Variants in SLC25A14 observed in about 807,000 individuals in gnomAD.
The protein encoded by SLC25A14 is solute carrier family 25 member 14.
SLC25A14 carries 8 observed loss-of-function variants against 28.1 expected under a neutral mutation model. The ratio of observed to expected loss-of-function variants is 0.28; its 90% CI spans 0.17 to 0.51. The LOEUF (loss-of-function observed/expected upper bound fraction) is 0.51, where lower values mean the gene tolerates loss of function less well. SLC25A14 is among the 20% of genes least tolerant of loss of function. SLC25A14 has a pLI of 0.97. For synonymous variants in SLC25A14, 74 were observed against 90.6 expected (o/e 0.82, Z 1.04); for missense variants, 135 against 263.8 (o/e 0.51, Z 3.38).
chrX:130,351,943 C>G (rs2033631672), intron 6 of SLC25A14, among the ~76,000 whole-genome samples: 1 of 110,862 alleles, frequency 9.0e-6, no homozygotes, highest in Admixed American at 9.6e-5. Context: ...ATTTTAGATT[C>G]AGGGAGTACA....
chrX:130,362,285 ATTTTT>A (rs1304180884), intron 7 of SLC25A14, among the ~76,000 whole-genome samples: 1 of 108,853 alleles, frequency 9.2e-6, no homozygotes, highest in Non-Finnish European at 1.9e-5. Context: ...TATTATTATT[ATTTTT>A]TTAAGTGAAA....
At chrX:130,353,036 A>T (rs5932748) in intron 6 of SLC25A14, among the ~76,000 whole-genome samples, 51,704 of 110,765 alleles carry the variant, frequency 0.47, 8,912 homozygotes, top group African/African-American at 0.57. Flanking sequence ...AGGATTCTTA[A>T]AATTTGAGGT....
At chrX:130,362,798 A>T (rs1307457195) in intron 7 of SLC25A14, among the ~76,000 whole-genome samples, 1 of 112,311 alleles carries the variant, frequency 8.9e-6, no homozygotes, top group African/African-American at 3.2e-5. Context: ...GCATCGTGCT[A>T]GTGAGTGAAA....
At chrX:130,342,923 A>G (rs1308118812) in intron 2 of SLC25A14, among the ~76,000 whole-genome samples, 1 of 109,825 alleles carries the variant, frequency 9.1e-6, no homozygotes, top group Non-Finnish European at 1.9e-5. Context: ...TTCGCCCCAG[A>G]ATTGTGGGAA....
At chrX:130,353,709 A>G (rs1487636882) in intron 6 of SLC25A14, among the ~76,000 whole-genome samples, 1 of 111,881 alleles carries the variant, frequency 8.9e-6, no homozygotes, top group Non-Finnish European at 1.9e-5. Context: ...TCAAAACACC[A>G]TGCTATCTCT....
At chrX:130,368,398 A>C (rs757495177) in intron 9 of SLC25A14, among the ~76,000 whole-genome samples, 26 of 111,736 alleles carry the variant, frequency 2.3e-4, no homozygotes, top group Middle Eastern at 4.6e-3. Context: ...AGGCCCCCCC[A>C]CACACACACA....
intron 6 of SLC25A14, among the ~76,000 whole-genome samples, chrX:130,353,801 A>G (rs191060243): frequency 8.9e-6 from 1 of 112,094 alleles, no homozygotes; most frequent in East Asian, 2.8e-4. Flanking sequence ...CACTCCTGCT[A>G]CTTGATTGAA....
At chrX:130,364,786 A>G in intron 8 of SLC25A14, 34 bp downstream of exon 8, 1 of 1,189,741 alleles carries the variant, frequency 8.4e-7, no homozygotes, top group East Asian at 3.1e-5. Context: ...TTTTATTTCC[A>G]GCATTTTGAG....
At chrX:130,372,232 T>A (rs1351027892) in intron 10 of SLC25A14, among the ~76,000 whole-genome samples, 1 of 111,518 alleles carries the variant, frequency 9.0e-6, no homozygotes, top group Non-Finnish European at 1.9e-5. Flanking sequence ...GGTATCTCGT[T>A]CCCTCTTGGA....
At position 130,340,183 on chromosome X, in the gene SLC25A14, C is replaced by A; in HGVS notation, c.-96C>A. The A allele has an allele frequency of 8.5e-7, 1 of 1,179,675 alleles. No homozygotes were observed. The highest frequency in any genetic ancestry group is 1.1e-6 in the Non-Finnish European group (1 of 882,351). The stretch of plus-strand genomic sequence containing the variant: ...TCGATTGAACCCTGCTTCCTCGACC[C>A]CCCTGGGAGGCCGCCTTCTTCAGGC... On this transcript the variant is annotated 5_prime_UTR_variant, in exon 2 of 11. Coordinates refer to ENST00000545805, the MANE Select transcript of SLC25A14 (RefSeq NM_001282195.2).
intron 7 of SLC25A14, among the ~76,000 whole-genome samples, chrX:130,364,031 CCTT>C (rs2034049889): frequency 8.9e-6 from 1 of 112,083 alleles, no homozygotes; most frequent in Admixed American, 9.5e-5. Context: ...CTGTGCCTGG[CCTT>C]CTTTTACTTA....
Position 130,358,780 on chromosome X carries a change from C to A in SLC25A14, c.594+45C>A, listed in dbSNP as rs993888730. The A allele has an allele frequency of 1.8e-5, 17 of 934,146 alleles. 1 individual carries two copies. Among genetic ancestry groups the A allele is most frequent in the African/African-American group, 1.6e-4 (8 of 50,898 alleles). The allele number at this position is 934,146 out of a possible 1,213,427, so 77.0% of individuals were successfully genotyped here. ...TATTATCCTACACTCTCAGTTCCTACAATTTGCAGAGAATTTTTTTTTATA... is the reference window on the plus strand; with the variant it reads ...TATTATCCTACACTCTCAGTTCCTAAAATTTGCAGAGAATTTTTTTTTATA... On this transcript the variant is annotated intron_variant, in intron 7 of 10. Coordinates refer to ENST00000545805, the MANE Select transcript of SLC25A14 (RefSeq NM_001282195.2).
intron 6 of SLC25A14, among the ~76,000 whole-genome samples, chrX:130,357,093 C>T (rs2033816508): frequency 8.9e-6 from 1 of 112,308 alleles, no homozygotes; most frequent in Admixed American, 9.5e-5. Context: ...GGCTCATAAA[C>T]AGGGCCAGGA....
rs371397748 is a variant in SLC25A14 at position 130,355,313 on chromosome X, T to C, written c.499-3327T>C. On this transcript the variant is annotated intron_variant, in intron 6 of 10. Coordinates refer to ENST00000545805, the MANE Select transcript of SLC25A14 (RefSeq NM_001282195.2). ...CGGTTACCTGATGATGGGTGGCTGG[T>C]CTTGGGGTTTATCTCAATTGTTGCC... Among the ~76,000 whole-genome samples, 8 of 112,220 alleles carry C rather than the reference T, an allele frequency of 7.1e-5. No individual in the cohort carries two copies. In the East Asian group the frequency reaches 2.2e-3, roughly 31 times the overall value.
intron 8 of SLC25A14, 181 bp from the exon 9 acceptor site, chrX:130,365,360 A>G: frequency 9.9e-7 from 1 of 1,011,934 alleles, no homozygotes; most frequent in Non-Finnish European, 1.3e-6. Flanking sequence ...TTGAAGGGAC[A>G]GCCTTTGAAT....
At chrX:130,342,242 C>T (rs555080279) in intron 2 of SLC25A14, among the ~76,000 whole-genome samples, 40 of 111,847 alleles carry the variant, frequency 3.6e-4, no homozygotes, top group African/African-American at 1.2e-3. Flanking sequence ...AAATATTGCA[C>T]ACCTGTAGAA....
chrX:130,340,049 G>GT (rs2033195556), intron 1 of SLC25A14, 58 bp from the exon 2 acceptor site: 1 of 1,017,537 alleles, frequency 9.8e-7, no homozygotes, highest in African/African-American at 2.0e-5. Context: ...GGGCCGGGCT[G>GT]GCCTGGTTCC....
At chrX:130,342,892 A>C (rs1603254755) in intron 2 of SLC25A14, among the ~76,000 whole-genome samples, 1 of 109,922 alleles carries the variant, frequency 9.1e-6, no homozygotes, top group East Asian at 2.8e-4. Context: ...AAAAAGGACT[A>C]AGTGTCCTTA....
intron 3 of SLC25A14, among the ~76,000 whole-genome samples, chrX:130,345,950 C>A (rs932055413): frequency 9.0e-6 from 1 of 111,365 alleles, no homozygotes; most frequent in Non-Finnish European, 1.9e-5. Context: ...ATTTCCCCCC[C>A]AAACACTCTG....
Sources: allele counts gnomAD v4.1 joint callset (sites outside exome capture counted in the v4.1 genomes callset), GRCh38; gene constraint gnomAD v4.1.1; transcripts MANE v1.5; gene names NCBI Gene and HGNC (gene_info 2026-07-23, HGNC 2026-07-21).